The following MAGI2 variants were observed in gnomAD, a reference collection of about 807,000 sequenced individuals.
The protein encoded by MAGI2 is membrane-associated guanylate kinase, WW and PDZ domain-containing protein 2.
A neutral mutation model predicts 133.3 loss-of-function variants in MAGI2; 35 were observed. The ratio of observed to expected loss-of-function variants is 0.26; its 90% CI spans 0.20 to 0.35. MAGI2 has a LOEUF of 0.35. MAGI2 is among the 10% of genes least tolerant of loss of function. MAGI2 has a pLI of 1.00. For synonymous variants in MAGI2, 729 were observed against 710.6 expected (o/e 1.03, Z -0.41); for missense variants, 1,636 against 1,863.4 (o/e 0.88, Z 2.25).
chr7:78,621,417 A>G (rs1368106760), intron 3 of MAGI2: 7 of 152,034 alleles, frequency 4.6e-5, no homozygotes, highest in Non-Finnish European at 5.9e-5. Flanking sequence ...AAATTCGTCA[A>G]CTAAATTTTA....
At chr7:78,958,212 T>G (rs1192775071) in intron 2 of MAGI2, among the ~76,000 whole-genome samples, 1 of 152,144 alleles carries the variant, frequency 6.6e-6, no homozygotes, top group Non-Finnish European at 1.5e-5. Flanking sequence ...TATCAGCCAC[T>G]CTGCTCCTTT....
chr7:78,454,123 A>G (rs1462420694), intron 6 of MAGI2, among the ~76,000 whole-genome samples: 6 of 152,182 alleles, frequency 3.9e-5, no homozygotes, highest in Admixed American at 6.5e-5. Flanking sequence ...CCTGTCTACC[A>G]TTCTCTACAT....
chr7:79,228,354 C>CAAAAAAAAAA lies in MAGI2; in HGVS notation c.302-221158_302-221149dup, dbSNP rs746424350. ...CAAGACCCTGTCTCAAAAAAACAGG[C>CAAAAAAAAAA]AAAAAAAAAAAAAAAAGATCGTGGG... is the stretch of plus-strand genomic sequence containing the variant. On this transcript the variant is annotated intron_variant, in intron 1 of 21. Coordinates refer to ENST00000354212, the MANE Select transcript of MAGI2 (RefSeq NM_012301.4). 6.1e-3 allele frequency among the ~76,000 whole-genome samples: 193 copies of CAAAAAAAAAA among 31,388 alleles called. 15 individuals are homozygous for CAAAAAAAAAA. The highest frequency in any genetic ancestry group is 8.9e-3 in the Non-Finnish European group (113 of 12,648). 20.6% of individuals were successfully genotyped at this position (31,388 alleles called of 152,430 possible). A position where few individuals can be genotyped will look rare whatever the true frequency, so the allele number is the denominator to read the frequency against.
intron 1 of MAGI2, among the ~76,000 whole-genome samples, chr7:79,301,403 A>T (rs986912231): frequency 6.6e-6 from 1 of 152,238 alleles, no homozygotes; most frequent in Non-Finnish European, 1.5e-5. Context: ...CATGGAGTCA[A>T]ATGAAACTAT....
intron 1 of MAGI2, among the ~76,000 whole-genome samples, chr7:79,175,831 T>C (rs1314075306): frequency 6.6e-6 from 1 of 152,022 alleles, no homozygotes; most frequent in African/African-American, 2.4e-5. Flanking sequence ...CTGTCCTACA[T>C]GTGGTCCATT....
chr7:78,789,110 C>T (rs1334394833), intron 2 of MAGI2, among the ~76,000 whole-genome samples: 1 of 152,048 alleles, frequency 6.6e-6, no homozygotes, highest in African/African-American at 2.4e-5. Flanking sequence ...ATTTTATGTG[C>T]TTCCATTTTT....
chr7:78,107,372 A>G (rs1395324416), intron 20 of MAGI2, among the ~76,000 whole-genome samples: 1 of 151,884 alleles, frequency 6.6e-6, no homozygotes, highest in Non-Finnish European at 1.5e-5. Context: ...TTTTTTCCCT[A>G]TTTTTCTGAA....
chr7:78,846,144 A>G (rs1792583835), intron 2 of MAGI2, among the ~76,000 whole-genome samples: 1 of 151,976 alleles, frequency 6.6e-6, no homozygotes, highest in Non-Finnish European at 1.5e-5. Context: ...TTGTCATGCT[A>G]TGCCCCAGTG....
At chr7:78,614,973 T>C (rs1326593415) in intron 3 of MAGI2, 2 of 152,172 alleles carry the variant, frequency 1.3e-5, no homozygotes, top group Admixed American at 1.3e-4. Context: ...GGGGTTGCAA[T>C]ATTTTGATTA....
intron 1 of MAGI2, among the ~76,000 whole-genome samples, chr7:79,191,475 A>G (rs1413795861): frequency 9.1e-5 from 11 of 120,748 alleles, no homozygotes; most frequent in African/African-American, 3.5e-4. Flanking sequence ...CTGAAATGCA[A>G]TGGCACAATC....
chr7:78,925,343 G>C (rs1330861153), intron 2 of MAGI2, among the ~76,000 whole-genome samples: 1 of 152,210 alleles, frequency 6.6e-6, no homozygotes, highest in East Asian at 1.9e-4. Context: ...CCAGGTTACA[G>C]ATATTTGATA....
intron 1 of MAGI2, among the ~76,000 whole-genome samples, chr7:79,306,112 T>G (rs2129560162): frequency 6.7e-6 from 1 of 150,088 alleles, no homozygotes; most frequent in East Asian, 2.0e-4. Flanking sequence ...GCTCAAGAGA[T>G]CCTTTCACTT....
intron 2 of MAGI2, among the ~76,000 whole-genome samples, chr7:78,964,973 T>A (rs1337554040): frequency 2.6e-5 from 4 of 151,966 alleles, no homozygotes; most frequent in African/African-American, 4.8e-5. Flanking sequence ...GAGATTGAAC[T>A]GTCCTTTATA....
intron 1 of MAGI2, among the ~76,000 whole-genome samples, chr7:79,375,402 C>A (rs190868384): frequency 6.6e-6 from 1 of 151,488 alleles, no homozygotes; most frequent in African/African-American, 2.4e-5. Context: ...GAGCTCTCTT[C>A]GAAAAAACAC....
intron 1 of MAGI2, among the ~76,000 whole-genome samples, chr7:79,376,443 G>A (rs1843385326): frequency 6.6e-6 from 1 of 151,852 alleles, no homozygotes; most frequent in Non-Finnish European, 1.5e-5. Flanking sequence ...AATGACAGAG[G>A]CATTACAACA....
intron 6 of MAGI2, among the ~76,000 whole-genome samples, chr7:78,464,974 T>A (rs1790469034): frequency 6.6e-6 from 1 of 152,182 alleles, no homozygotes; most frequent in African/African-American, 2.4e-5. Context: ...GTGCGTATTA[T>A]AACTATGCTT....
chr7:78,525,648 T>C (rs1044150737), intron 3 of MAGI2, among the ~76,000 whole-genome samples: 1 of 152,202 alleles, frequency 6.6e-6, no homozygotes, highest in Non-Finnish European at 1.5e-5. Context: ...AACAATATGG[T>C]GTAATGCTTA....
intron 1 of MAGI2, among the ~76,000 whole-genome samples, chr7:79,204,518 C>T (rs1299162411): frequency 6.6e-6 from 1 of 152,008 alleles, no homozygotes; most frequent in Non-Finnish European, 1.5e-5. Flanking sequence ...ATAAGTACCA[C>T]TTTTTCAAGT....
chr7:78,498,120 T>C (rs1156372106), intron 5 of MAGI2, among the ~76,000 whole-genome samples: 1 of 152,206 alleles, frequency 6.6e-6, no homozygotes, highest in East Asian at 1.9e-4. Flanking sequence ...CTTTTGAAAA[T>C]GGCTGAGAGT....
Sources: allele counts gnomAD v4.1 joint callset (sites outside exome capture counted in the v4.1 genomes callset), GRCh38; gene constraint gnomAD v4.1.1; transcripts MANE v1.5; gene names NCBI Gene and HGNC (gene_info 2026-07-23, HGNC 2026-07-21).